The following GABRG3 variants were observed in gnomAD, a reference collection of about 807,000 sequenced individuals.
The protein encoded by GABRG3 is gamma-aminobutyric acid receptor subunit gamma-3.
Under a neutral mutation model 48.8 loss-of-function variants are expected in GABRG3, and 25 were observed. The ratio of observed to expected loss-of-function variants is 0.51; its 90% CI spans 0.37 to 0.72. GABRG3 has a LOEUF of 0.72. GABRG3 is among the 30% of genes least tolerant of loss of function. The pLI is 0.00. For synonymous variants in GABRG3, 227 were observed against 217.6 expected, an observed-to-expected ratio of 1.04 and a Z score of -0.38; for missense variants, 394 against 577.9, an observed-to-expected ratio of 0.68 and a Z score of 3.26.
In GABRG3 at chr15:27,312,099, AAC is replaced by A. The variant is rs1893016092; in HGVS notation, c.271-14704_271-14703del. ...AATTAATGGATAAAGTGAGAATTTC[AAC>A]ACACAGAAAATACAAAGTACCAAAT... On this transcript the variant is annotated intron_variant, in intron 3 of 9. Transcript: ENST00000615808. Among the ~76,000 whole-genome samples the A allele has an allele frequency of 2.0e-5, 3 of 152,290 alleles. No homozygotes were observed. The South Asian group carries it at 6.2e-4, about 32-fold the overall frequency.
chr15:27,322,308 A>G (rs2140515477), intron 3 of GABRG3, among the ~76,000 whole-genome samples: 1 of 152,288 alleles, frequency 6.6e-6, no homozygotes, highest in South Asian at 2.1e-4. Flanking sequence ...CACCCGGAAC[A>G]CTGTAGGACG....
intron 3 of GABRG3, among the ~76,000 whole-genome samples, chr15:27,078,650 C>T (rs975479668): frequency 1.3e-5 from 2 of 152,164 alleles, no homozygotes; most frequent in African/African-American, 2.4e-5. Flanking sequence ...CCAGGGGCTC[C>T]TCGTCTTTAA....
chr15:27,123,402 T>C (rs564362619), intron 3 of GABRG3, among the ~76,000 whole-genome samples: 3 of 152,198 alleles, frequency 2.0e-5, no homozygotes, highest in African/African-American at 7.2e-5. Flanking sequence ...TTAGTGTGCT[T>C]ATAAAAGAGG....
intron 3 of GABRG3, among the ~76,000 whole-genome samples, chr15:27,302,167 A>T (rs765000236): frequency 2.8e-4 from 42 of 152,144 alleles, no homozygotes; most frequent in Non-Finnish European, 5.6e-4. Context: ...AAATTCTTCA[A>T]AATATGTTTG....
chr15:27,515,868 G>A (rs367669925), intron 6 of GABRG3, among the ~76,000 whole-genome samples: 32 of 152,256 alleles, frequency 2.1e-4, no homozygotes, highest in African/African-American at 7.7e-4. Context: ...GATAAATTCA[G>A]GTGGGAACAT....
At chr15:27,008,310 G>C (rs758218190) in intron 2 of GABRG3, among the ~76,000 whole-genome samples, 2 of 152,142 alleles carry the variant, frequency 1.3e-5, no homozygotes, top group East Asian at 1.9e-4. Flanking sequence ...ATGAGCCCAC[G>C]TGGCTAAAAA....
intron 5 of GABRG3, among the ~76,000 whole-genome samples, chr15:27,470,759 T>A (rs1296650217): frequency 6.6e-6 from 1 of 152,124 alleles, no homozygotes; most frequent in East Asian, 1.9e-4. Flanking sequence ...TTGCCATGCT[T>A]TTTTTAAATC....
chr15:27,361,300 T>C (rs186113313), intron 5 of GABRG3, among the ~76,000 whole-genome samples: 18 of 152,244 alleles, frequency 1.2e-4, no homozygotes, highest in Admixed American at 1.1e-3. Context: ...CCATAACACA[T>C]TTCTGGGTCT....
chr15:27,265,999 G>A (rs1244716817), intron 3 of GABRG3, among the ~76,000 whole-genome samples: 2 of 150,514 alleles, frequency 1.3e-5, no homozygotes, highest in Non-Finnish European at 2.9e-5. Context: ...TCCTGCCTCA[G>A]CCTCTCAAGT....
At position 27,326,814 on chromosome 15, in the gene GABRG3, C is replaced by A; in HGVS notation, c.276C>A (p.Tyr92Ter). The A allele has an allele frequency of 6.2e-7, 1 of 1,612,622 alleles. No homozygotes were observed. The highest frequency in any genetic ancestry group is 8.5e-7 in the Non-Finnish European group (1 of 1,178,652). ...CTCCTTCTGCTCTGTTTCAGGAATA[C>A]CAAATTGACATATTTTTTGCTCAGA... is the stretch of plus-strand genomic sequence containing the variant. ...IGPVSSINME[Y>*]QIDIFFAQTW... Residue 92 changes from tyrosine (Y) to a stop codon, truncating the protein, a stop_gained, in exon 4 of 10, where the codon TAC becomes TAA. Transcript: ENST00000615808. LOFTEE classifies it high-confidence loss of function.
intron 3 of GABRG3, among the ~76,000 whole-genome samples, chr15:27,035,820 CGGTGG>C (rs1896167764): frequency 1.3e-5 from 2 of 152,010 alleles, no homozygotes; most frequent in Admixed American, 6.6e-5. Context: ...TGGAGAATGG[CGGTGG>C]GGGCTGGAAA....
intron 5 of GABRG3, among the ~76,000 whole-genome samples, chr15:27,385,207 C>T (rs1895885306): frequency 1.8e-5 from 1 of 55,670 alleles, no homozygotes; most frequent in African/African-American, 7.7e-5. Context: ...ACCAACTTAT[C>T]AGAAGCCCAC....
intron 3 of GABRG3, among the ~76,000 whole-genome samples, chr15:27,268,885 A>G (rs1218074169): frequency 1.3e-5 from 2 of 151,840 alleles, no homozygotes; most frequent in African/African-American, 4.8e-5. Context: ...AGACCCAGAA[A>G]CTCTTCTAAG....
At chr15:27,210,046 C>A (rs1349448273) in intron 3 of GABRG3, among the ~76,000 whole-genome samples, 1 of 152,162 alleles carries the variant, frequency 6.6e-6, no homozygotes, top group Non-Finnish European at 1.5e-5. Context: ...CAAAATCAGT[C>A]ACTTTGGGGG....
rs565771981 is a variant in GABRG3 at position 27,447,421 on chromosome 15, T to A, written c.575-33229T>A. ...TCACTGAGGATTTTAGTCAGAAAAA[T>A]TGTATAATTAGGGTTTCTTAAGGTG... On this transcript the variant is annotated intron_variant, in intron 5 of 9. Coordinates refer to ENST00000615808, the MANE Select transcript of GABRG3 (RefSeq NM_033223.5). The surrounding 1 kb of genome is among the most constrained non-coding windows in gnomAD (Gnocchi z 4.0). 3.3e-5 allele frequency among the ~76,000 whole-genome samples: 5 copies of A among 152,138 alleles called. No homozygotes were observed. Among genetic ancestry groups the A allele is most frequent in the African/African-American group, 2.4e-5 (1 of 41,506 alleles).
At chr15:27,487,627 T>C (rs1179283114) in intron 6 of GABRG3, among the ~76,000 whole-genome samples, 2 of 152,238 alleles carry the variant, frequency 1.3e-5, no homozygotes, top group African/African-American at 4.8e-5. Flanking sequence ...AGTGTTGGAC[T>C]GTATATACCA....
intron 3 of GABRG3, among the ~76,000 whole-genome samples, chr15:27,054,246 A>C (rs952877137): frequency 2.7e-5 from 4 of 149,398 alleles, no homozygotes; most frequent in African/African-American, 9.8e-5. Flanking sequence ...CTCAAAAAGA[A>C]AAAAAAAAAG....
rs1220426700 is a variant in GABRG3 at position 27,307,756 on chromosome 15, CAT to C, written c.271-19049_271-19048del. Among the ~76,000 whole-genome samples the C allele has an allele frequency of 7.6e-4, 85 of 112,242 alleles. 1 individual carries two copies. The highest frequency in any genetic ancestry group is 6.7e-3 in the East Asian group (26 of 3,858). The allele number at this position is 112,242 out of a possible 152,430, so 73.6% of individuals were successfully genotyped here. On this transcript the variant is annotated intron_variant, in intron 3 of 9. Transcript: ENST00000615808. The stretch of plus-strand genomic sequence containing the variant: ...ATATAATCATAGGTTTATATATAAA[CAT>C]ATAAAATAAACATATGTTTATATAT...
At chr15:27,004,095 T>C (rs1895526836) in intron 2 of GABRG3, among the ~76,000 whole-genome samples, 2 of 143,662 alleles carry the variant, frequency 1.4e-5, no homozygotes, top group South Asian at 4.5e-4. Context: ...CCTACCTCCC[T>C]CCCGGACGGG....
Sources: allele counts gnomAD v4.1 joint callset (sites outside exome capture counted in the v4.1 genomes callset), GRCh38; gene constraint gnomAD v4.1.1; non-coding constraint Gnocchi (gnomAD v3.1); transcripts MANE v1.5; gene names NCBI Gene and HGNC (gene_info 2026-07-23, HGNC 2026-07-21).